The following ARAP3 variants were observed in gnomAD, a reference collection of about 807,000 sequenced individuals.
The protein encoded by ARAP3 is arf-GAP with Rho-GAP domain, ANK repeat and PH domain-containing protein 3.
In ARAP3, 82 loss-of-function variants were observed where a neutral mutation model predicts 169.2. The ratio of observed to expected loss-of-function variants is 0.48; its 90% CI spans 0.41 to 0.58. The LOEUF (loss-of-function observed/expected upper bound fraction) is 0.58, where lower values mean the gene tolerates loss of function less well. Among genes scored for constraint, ARAP3 ranks in the 20% least tolerant of loss-of-function variants. The probability of loss-of-function intolerance (pLI) is 0.00; values close to 1 mark genes in which losing one functional copy is unlikely to be tolerated. For synonymous variants in ARAP3, 791 were observed against 800.3 expected (o/e 0.99, Z 0.20); for missense variants, 1,764 against 2,018.0 (o/e 0.87, Z 2.41).
chr5:141,656,293 A>T lies in ARAP3; in HGVS notation c.3790-17T>A, dbSNP rs2099909266. 1.2e-6 allele frequency: 2 copies of T among 1,613,830 alleles called. No homozygotes were observed. The highest frequency in any genetic ancestry group is 1.7e-5 in the Admixed American group (1 of 60,006). On this transcript the variant is annotated splice_polypyrimidine_tract_variant and intron_variant, in intron 27 of 32. Transcript: ENST00000239440. ...TTTAGAGCTCTGAGAACAGAAACAG[A>T]GTCAGCGAGATGGAGAGATGAGAGA...
rs769470502 is a variant in ARAP3, at chr5:141,655,914, G to A, written c.3927C>T (p.Asp1309=). 4.3e-6 allele frequency: 7 copies of A among 1,614,014 alleles called. No homozygotes were observed. In the Admixed American group the frequency reaches 5.0e-5, roughly 12 times the overall value. The change falls in exon 30 of 33, where the codon GAC becomes GAT. Residue 1309 remains aspartate, a synonymous_variant. Transcript: ENST00000239440. ...TGGTCCAATCCCACATTTCATCCTC[G>A]TCAGTGCAGGACAAGTAGCTGGGGT... ...EKMHLYLSCT[D]EDEMWDWTTS... is the part of the protein sequence containing the mutation.
At position 141,672,623 on chromosome 5, in the gene ARAP3, T is replaced by A. The variant is rs1274672661; in HGVS notation, c.1314A>T (p.Glu438Asp). Residue 438 changes from glutamate to aspartate, a missense_variant, in exon 9 of 33, where the codon GAA (glutamate) becomes GAT (aspartate). By Grantham distance (45) the Glu-to-Asp change is conservative. This residue lies in a region of ARAP3 where 630 missense variants were observed against 678.7 expected (regional missense o/e 0.93). Transcript: ENST00000239440. The surrounding 1 kb of genome is among the most constrained non-coding windows in gnomAD (Gnocchi z 4.9). ...FSLGIGICFI[E>D]LQGCSVRETK... ...TCTCCCGGACGCTGCAGCCCTGCAG[T>A]TCGATGAAGCAGATCCCGATGCCCA... The A allele has an allele frequency of 7.4e-6, 12 of 1,613,752 alleles. No individual in the cohort carries two copies. The highest frequency in any genetic ancestry group is 9.3e-6 in the Non-Finnish European group (11 of 1,179,894).
chr5:141,680,348 A>G lies in ARAP3; in HGVS notation c.139T>C (p.Leu47=), dbSNP rs775853777. The G allele has an allele frequency of 8.1e-6, 13 of 1,614,156 alleles. No individual in the cohort carries two copies. Among genetic ancestry groups the G allele is most frequent in the East Asian group, 2.2e-5 (1 of 44,878 alleles). The stretch of plus-strand genomic sequence containing the variant: ...CGGTGCCCTGTGGCGCTGATGCCCA[A>G]CTGCTTCAACTCCTCGTGGCCCAGG... ...RGLGHEELKQ[L]GISATGHRKR... is the part of the protein sequence containing the mutation. Residue 47 remains leucine (L), a synonymous_variant, in exon 2 of 33, where the codon TTG becomes CTG. Transcript: ENST00000239440.
At chr5:141,678,013 C>T (rs1024166738) in intron 4 of ARAP3, among the ~76,000 whole-genome samples, 1 of 150,166 alleles carries the variant, frequency 6.7e-6, no homozygotes, top group East Asian at 2.0e-4. Flanking sequence ...AGCGGCACAA[C>T]CTTTGCTCAC....
chr5:141,678,059 G>A (rs1198160742), intron 4 of ARAP3, among the ~76,000 whole-genome samples: 1 of 151,736 alleles, frequency 6.6e-6, no homozygotes, highest in Non-Finnish European at 1.5e-5. Flanking sequence ...GCCATTCTCT[G>A]CCTCAGCCTC....
At chr5:141,659,285 A>G (rs1596477132) in intron 23 of ARAP3, 123 bp downstream of exon 23, 3 of 894,478 alleles carry the variant, frequency 3.4e-6, no homozygotes, top group African/African-American at 3.3e-5. Flanking sequence ...CTGTCTCCCA[A>G]AGAGCTGAGT....
chr5:141,676,401 T>C (rs2099912186), intron 4 of ARAP3, among the ~76,000 whole-genome samples: 1 of 152,152 alleles, frequency 6.6e-6, no homozygotes, highest in Non-Finnish European at 1.5e-5. Flanking sequence ...CAACAATAGT[T>C]CCAACTCTCT....
chr5:141,668,574 G>C (rs2099910995), intron 16 of ARAP3, among the ~76,000 whole-genome samples: 1 of 152,180 alleles, frequency 6.6e-6, no homozygotes, highest in Non-Finnish European at 1.5e-5. Flanking sequence ...CTGCCTTAAA[G>C]GATGGGATAG....
At position 141,656,942 on chromosome 5, in the gene ARAP3, A is replaced by G. The variant is rs991171968; in HGVS notation, c.3527-96T>C. On this transcript the variant is annotated intron_variant, in intron 25 of 32. Coordinates refer to ENST00000239440, the MANE Select transcript of ARAP3 (RefSeq NM_022481.6). Reference sequence around the variant, plus strand: ...ATTCATTCATCCATTCAACTATCCAACCACAGACATTTATTTTTCACTGTC... The same window carrying G: ...ATTCATTCATCCATTCAACTATCCAGCCACAGACATTTATTTTTCACTGTC... 7 of 1,454,906 alleles carry G rather than the reference A, an allele frequency of 4.8e-6. 1 individual carries two copies. The Admixed American group carries it at 1.4e-4, about 29-fold the overall frequency. 90.1% of individuals were successfully genotyped at this position (1,454,906 alleles called of 1,614,324 possible).
chr5:141,654,547 A>C, intron 32 of ARAP3, 112 bp from the exon 33 acceptor site: 1 of 1,442,770 alleles, frequency 6.9e-7, no homozygotes, highest in Non-Finnish European at 9.2e-7. Context: ...AATACTTGGC[A>C]TGTATGATTC....
At position 141,680,488 on chromosome 5, in the gene ARAP3, G is replaced by A; in HGVS notation, c.-2C>T. ...GTCCAGGTCCTGAGGGGCAGCCATG[G>A]GGGCTCAGGCCATTGCTGGGGGGAG... On this transcript the variant is annotated 5_prime_UTR_variant, in exon 2 of 33. Coordinates refer to ENST00000239440, the MANE Select transcript of ARAP3 (RefSeq NM_022481.6). 6.3e-7 allele frequency: 1 copy of A among 1,589,790 alleles called. No individual in the cohort carries two copies. The highest frequency in any genetic ancestry group is 8.5e-7 in the Non-Finnish European group (1 of 1,170,284).
intron 19 of ARAP3, among the ~76,000 whole-genome samples, chr5:141,664,286 A>G (rs895553157): frequency 6.6e-6 from 1 of 152,200 alleles, no homozygotes; most frequent in Non-Finnish European, 1.5e-5. Context: ...TGGGAGGCTG[A>G]GGCAGGAGAA....
chr5:141,657,188 C>T (rs142831883), intron 25 of ARAP3, among the ~76,000 whole-genome samples: 95 of 152,302 alleles, frequency 6.2e-4, no homozygotes, highest in African/African-American at 2.2e-3. Flanking sequence ...AGATGAGACT[C>T]AGAGATCTGA....
At chr5:141,655,258 A>ACACACACACC (rs1491503001) in intron 32 of ARAP3, 104 bp downstream of exon 32, 19 of 1,109,432 alleles carry the variant, frequency 1.7e-5, no homozygotes, top group African/African-American at 1.9e-5. Flanking sequence ...ACACACACAC[A>ACACACACACC]CCCCCTGATG....
In ARAP3 at chr5:141,672,770, C is replaced by T; in HGVS notation, c.1249G>A (p.Gly417Arg). The change falls in exon 8 of 33, where the codon GGA becomes AGA. Residue 417 changes from glycine (G) to arginine (R), a missense_variant. Around this residue, in one of 3 missense-constraint regions of ARAP3, gnomAD observed 630 missense variants for 678.7 expected, o/e 0.93. Transcript: ENST00000239440. This position sits in a 1 kb window ranked among gnomAD's most constrained non-coding sequence, Gnocchi z 4.9. ...KAKVFAALSP[G>R]ELALYKSEQA... ...TCACTCTTGTACAGTGCCAGCTCTC[C>T]AGGGCTCAAGGCAGCAAACACCTTG... 6.2e-7 allele frequency: 1 copy of T among 1,614,110 alleles called. No homozygotes were observed. The highest frequency in any genetic ancestry group is 8.5e-7 in the Non-Finnish European group (1 of 1,180,026).
chr5:141,653,754 A>G lies in ARAP3; in HGVS notation c.*196T>C, dbSNP rs2099908836. ...TTCAGTTACCTCATGGTATAGATAA[A>G]TGGGCTGGGCCCAGAGAGGGGCCAT... On this transcript the variant is annotated 3_prime_UTR_variant, in exon 33 of 33. Transcript: ENST00000239440. The G allele has an allele frequency of 1.7e-6, 1 of 582,392 alleles. No individual in the cohort carries two copies. Among genetic ancestry groups the G allele is most frequent in the East Asian group, 3.2e-5 (1 of 31,678 alleles). 36.1% of individuals were successfully genotyped at this position (582,392 alleles called of 1,614,324 possible).
chr5:141,662,246 A>C lies in ARAP3; in HGVS notation c.2810T>G (p.Leu937Arg). Residue 937 changes from leucine (L) to arginine (R), a missense_variant, in exon 20 of 33, where the codon CTG (leucine) becomes CGG (arginine). Physicochemically the swap from Leu to Arg is moderately radical, Grantham distance 102. Coordinates refer to ENST00000239440, the MANE Select transcript of ARAP3 (RefSeq NM_022481.6). ...ISFVTQHGLRLEGVYRKGGAR... is the reference protein window; with the variant it reads ...ISFVTQHGLRREGVYRKGGAR... ...GCCCCCTTTCCGGTATACACCTTCCAGCCGGAGCCCTGAGGAGAGCCAGCC... is the reference window on the plus strand; with the variant it reads ...GCCCCCTTTCCGGTATACACCTTCCCGCCGGAGCCCTGAGGAGAGCCAGCC... 1 of 1,614,070 alleles carries C rather than the reference A, an allele frequency of 6.2e-7. No homozygotes were observed. The highest frequency in any genetic ancestry group is 8.5e-7 in the Non-Finnish European group (1 of 1,180,016).
At chr5:141,666,052 A>AAAAT (rs1554224249) in intron 17 of ARAP3, among the ~76,000 whole-genome samples, 1 of 140,856 alleles carries the variant, frequency 7.1e-6, no homozygotes, top group Admixed American at 7.1e-5. Context: ...AAAAAAAAAA[A>AAAAT]AATAATAATA....
Position 141,672,801 on chromosome 5 carries a change from G to A in ARAP3, c.1218C>T (p.His406=). Residue 406 remains histidine (H), a synonymous_variant, in exon 8 of 33, where the codon CAC becomes CAT. Coordinates refer to ENST00000239440, the MANE Select transcript of ARAP3 (RefSeq NM_022481.6). The surrounding 1 kb of genome is among the most constrained non-coding windows in gnomAD (Gnocchi z 4.9). ...TCAAGGCAGCAAACACCTTGGCCTT[G>A]TGTCCACGCAGCTCCAGCATGCCCG... is the stretch of plus-strand genomic sequence containing the variant. ...LRTGMLELRG[H]KAKVFAALSP... is the part of the protein sequence containing the mutation. 1.2e-6 allele frequency: 2 copies of A among 1,613,514 alleles called. No homozygotes were observed. The highest frequency in any genetic ancestry group is 1.7e-6 in the Non-Finnish European group (2 of 1,179,728).
Sources: gnomAD v4.1 joint callset for allele counts (sites outside exome capture counted in the v4.1 genomes callset) on GRCh38, gnomAD v4.1.1 for gene constraint, gnomAD v4.1.1 regional missense constraint, Gnocchi (gnomAD v3.1) non-coding constraint, MANE v1.5 for transcripts, NCBI Gene and HGNC (gene_info 2026-07-23, HGNC 2026-07-21) for gene names.